Variants in PMM2 observed in about 807,000 individuals in gnomAD.
PMM2 encodes the protein mannose-6-phosphate isomerase.
In PMM2, 35 loss-of-function variants were observed where a neutral mutation model predicts 33.2. The observed-to-expected ratio is 1.06, with a 90% CI of 0.81 to 1.40. The LOEUF (loss-of-function observed/expected upper bound fraction) is 1.40, where lower values mean the gene tolerates loss of function less well. Ranked by LOEUF, PMM2 falls within the 40% of genes most tolerant of loss-of-function variation. PMM2 has a pLI of 0.00. For missense variants in PMM2, 386 were observed against 306.0 expected, an observed-to-expected ratio of 1.26 and a Z score of -1.95; for synonymous variants, 153 against 114.7, an observed-to-expected ratio of 1.33 and a Z score of -2.13.
At chr16:8,819,678 G>A (rs1288322404) in intron 7 of PMM2, among the ~76,000 whole-genome samples, 3 of 147,536 alleles carry the variant, frequency 2.0e-5, no homozygotes, top group Non-Finnish European at 4.5e-5. Flanking sequence ...CTAGGCAACA[G>A]AGCGAGACCT....
chr16:8,827,871 ATAT>A (rs1237157369), intron 7 of PMM2, among the ~76,000 whole-genome samples: 1 of 105,892 alleles, frequency 9.4e-6, no homozygotes, highest in Admixed American at 1.2e-4. Flanking sequence ...TATATTATAT[ATAT>A]GTTATATAAT....
intron 7 of PMM2, among the ~76,000 whole-genome samples, chr16:8,843,533 G>A (rs1004999482): frequency 7.2e-5 from 11 of 152,094 alleles, no homozygotes; most frequent in East Asian, 1.9e-4. Context: ...TCAGATTTCT[G>A]GCACGTGTAG....
At chr16:8,798,267 G>C (rs1024431604) in intron 1 of PMM2, among the ~76,000 whole-genome samples, 1 of 152,184 alleles carries the variant, frequency 6.6e-6, no homozygotes, top group Non-Finnish European at 1.5e-5. Flanking sequence ...CCCAAGATCA[G>C]GCCCCCTTAT....
intron 7 of PMM2, among the ~76,000 whole-genome samples, chr16:8,830,691 G>A (rs2060804551): frequency 6.6e-6 from 1 of 152,236 alleles, no homozygotes; most frequent in South Asian, 2.1e-4. Flanking sequence ...CAGGAGCAAT[G>A]TGGGGAGGTT....
intron 7 of PMM2, among the ~76,000 whole-genome samples, chr16:8,822,792 T>A (rs2060745297): frequency 6.6e-6 from 1 of 152,232 alleles, no homozygotes; most frequent in Non-Finnish European, 1.5e-5. Context: ...TGCAGCTGTC[T>A]GCTTCTACTC....
chr16:8,845,334 G>A (rs1307752752), intron 7 of PMM2, among the ~76,000 whole-genome samples: 3 of 152,176 alleles, frequency 2.0e-5, no homozygotes, highest in Non-Finnish European at 4.4e-5. Flanking sequence ...CACAATGGTG[G>A]AATGTCATCA....
intron 2 of PMM2, among the ~76,000 whole-genome samples, chr16:8,803,857 T>A (rs1350197590): frequency 2.7e-5 from 4 of 150,500 alleles, no homozygotes; most frequent in Non-Finnish European, 5.9e-5. Context: ...CTAATTTTTG[T>A]ATTTTTAGTA....
chr16:8,804,042 T>TTTGTTTC (rs1231619686), intron 2 of PMM2, among the ~76,000 whole-genome samples: 1 of 139,590 alleles, frequency 7.2e-6, no homozygotes, highest in East Asian at 2.0e-4. Flanking sequence ...TTTTTTTTTT[T>TTTGTTTC]TTTTTTTTTG....
intron 7 of PMM2, chr16:8,832,259 G>C (rs1039634842): frequency 7.7e-5 from 76 of 985,344 alleles, no homozygotes; most frequent in Non-Finnish European, 8.8e-5. Context: ...TTGTGTTTGT[G>C]ATGCAGATGC....
In PMM2 at chr16:8,840,545, G is replaced by C. The variant is rs1452553974; in HGVS notation, c.640-7179G>C. On this transcript the variant is annotated intron_variant, in intron 7 of 7. Coordinates refer to ENST00000268261, the MANE Select transcript of PMM2 (RefSeq NM_000303.3). Reference sequence around the variant, plus strand: ...TCGTAAAGCCCTGTTGCAAAAAGTAGGGTAAGGACGAAAAACCTAATAGAA... The same window carrying C: ...TCGTAAAGCCCTGTTGCAAAAAGTACGGTAAGGACGAAAAACCTAATAGAA... Among the ~76,000 whole-genome samples the C allele has an allele frequency of 2.0e-5, 3 of 151,978 alleles. No individual in the cohort carries two copies. In the South Asian group the frequency reaches 6.2e-4, roughly 31 times the overall value.
Position 8,847,796 on chromosome 16 carries a change from C to T in PMM2, c.712C>T (p.Arg238Cys), listed in dbSNP as rs142459706. 897 of 1,613,746 alleles carry T rather than the reference C, an allele frequency of 5.6e-4. 8 individuals are homozygous for T. The South Asian group carries it at 8.6e-3, about 15-fold the overall frequency. The change falls in exon 8 of 8, where the codon CGC becomes TGC. Residue 238 changes from arginine to cysteine, a missense_variant. Coordinates refer to ENST00000268261, the MANE Select transcript of PMM2 (RefSeq NM_000303.3). ...CTCCGTGACAGCGCCTGAGGACACGCGCAGGATCTGTGAACTGCTGTTCTC... is the reference window on the plus strand; with the variant it reads ...CTCCGTGACAGCGCCTGAGGACACGTGCAGGATCTGTGAACTGCTGTTCTC... ...GYSVTAPEDTRRICELLFS is the reference protein window; with the variant it reads ...GYSVTAPEDTCRICELLFS
intron 6 of PMM2, among the ~76,000 whole-genome samples, chr16:8,812,166 CT>C (rs1270099673): frequency 6.6e-6 from 1 of 152,188 alleles, no homozygotes; most frequent in Non-Finnish European, 1.5e-5. Flanking sequence ...AATTGGGTGG[CT>C]TTTACAGATC....
At chr16:8,841,428 G>A (rs1016976995) in intron 7 of PMM2, among the ~76,000 whole-genome samples, 1 of 148,320 alleles carries the variant, frequency 6.7e-6, no homozygotes, top group Non-Finnish European at 1.5e-5. Context: ...GGCATGTTGA[G>A]TGAAGCTAAT....
chr16:8,847,377 T>TTAAA, intron 7 of PMM2, among the ~76,000 whole-genome samples: 1 of 140,844 alleles, frequency 7.1e-6, no homozygotes, highest in East Asian at 2.1e-4. Context: ...TAGGTACAGC[T>TTAAA]AAAAAAAAAA....
rs573460737 is a variant in PMM2, at chr16:8,824,287, T to C, written c.639+11181T>C. Among the ~76,000 whole-genome samples the C allele has an allele frequency of 8.5e-5, 13 of 152,324 alleles. No individual in the cohort carries two copies. In the East Asian group the frequency reaches 2.1e-3, roughly 25 times the overall value. On this transcript the variant is annotated intron_variant, in intron 7 of 7. Coordinates refer to ENST00000268261, the MANE Select transcript of PMM2 (RefSeq NM_000303.3). ...TTTGTAAAGTTATCAGAGACCTGCA[T>C]TCAAGAGTACCCATTAGAGTACTAT...
Position 8,816,549 on chromosome 16 carries a change from C to G in PMM2, c.639+3443C>G, listed in dbSNP as rs201940794. 5.9e-5 allele frequency among the ~76,000 whole-genome samples: 9 copies of G among 151,296 alleles called. No individual in the cohort carries two copies. In the East Asian group the frequency reaches 1.8e-3, roughly 30 times the overall value. On this transcript the variant is annotated intron_variant, in intron 7 of 7. Coordinates refer to ENST00000268261, the MANE Select transcript of PMM2 (RefSeq NM_000303.3). ...TGAGGTCAGGAGTTCCGAGACCAGC[C>G]TGACCAACATGGAGAAACCCCGTCT...
At chr16:8,843,056 T>A (rs2060900835) in intron 7 of PMM2, among the ~76,000 whole-genome samples, 1 of 152,120 alleles carries the variant, frequency 6.6e-6, no homozygotes, top group Non-Finnish European at 1.5e-5. Context: ...GCTTAAAATA[T>A]CTCGGCCTAA....
At position 8,801,921 on chromosome 16, in the gene PMM2, G is replaced by C; in HGVS notation, c.178+11G>C. The C allele has an allele frequency of 6.6e-7, 1 of 1,515,978 alleles. No homozygotes were observed. Among genetic ancestry groups the C allele is most frequent in the Middle Eastern group, 1.7e-4 (1 of 5,884 alleles). The allele number at this position is 1,515,978 out of a possible 1,614,324, so 93.9% of individuals were successfully genotyped here. On this transcript the variant is annotated intron_variant, in intron 2 of 7. Coordinates refer to ENST00000268261, the MANE Select transcript of PMM2 (RefSeq NM_000303.3). ...AACTGGGAAATGATGGTAAATGATG[G>C]GTTGCTAATTACATCTGGTAAAAGA...
chr16:8,819,710 A>AAG (rs2060726987), intron 7 of PMM2, among the ~76,000 whole-genome samples: 1 of 150,896 alleles, frequency 6.6e-6, no homozygotes, highest in Non-Finnish European at 1.5e-5. Context: ...AAAAAAAAAA[A>AAG]CAATAAAAAT....
Sources: allele counts gnomAD v4.1 joint callset (sites outside exome capture counted in the v4.1 genomes callset), GRCh38; gene constraint gnomAD v4.1.1; transcripts MANE v1.5; gene names NCBI Gene and HGNC (gene_info 2026-07-23, HGNC 2026-07-21).